MICAL3: variants seen among roughly 807,000 people sequenced by gnomAD.
The protein encoded by MICAL3 is microtubule associated monooxygenase, calponin and LIM domain containing 3.
In MICAL3, 62 loss-of-function variants were observed where a neutral mutation model predicts 207.4. The observed-to-expected ratio is 0.30, with a 90% CI of 0.24 to 0.37. The LOEUF is 0.37. Among genes scored for constraint, MICAL3 ranks in the 10% least tolerant of loss-of-function variants. The pLI is 1.00. For synonymous variants in MICAL3, 1,077 were observed against 1,069.3 expected, an observed-to-expected ratio of 1.01 and a Z score of -0.14; for missense variants, 2,368 against 2,635.6, an observed-to-expected ratio of 0.90 and a Z score of 2.22.
intron 1 of MICAL3, among the ~76,000 whole-genome samples, chr22:17,959,028 T>TTC (rs1934770984): frequency 7.1e-6 from 1 of 141,254 alleles, no homozygotes; most frequent in Non-Finnish European, 1.5e-5. Flanking sequence ...TTTTTTTTTT[T>TTC]TTTTTGAGAT....
At position 17,796,640 on chromosome 22, in the gene MICAL3, C is replaced by G. The variant is rs940348062; in HGVS notation, c.5651-5339G>C. On this transcript the variant is annotated intron_variant, in intron 29 of 31. Transcript: ENST00000441493. This position sits in a 1 kb window ranked among gnomAD's most constrained non-coding sequence, Gnocchi z 4.4. ...GCGTCTCAGGCAGCTCAAGGAAGAGCAGTCCCACAGACCCTGATCAGAATG... is the reference window on the plus strand; with the variant it reads ...GCGTCTCAGGCAGCTCAAGGAAGAGGAGTCCCACAGACCCTGATCAGAATG... Among the ~76,000 whole-genome samples, 1 of 152,216 alleles carries G rather than the reference C, an allele frequency of 6.6e-6. No homozygotes were observed. The highest frequency in any genetic ancestry group is 2.4e-5 in the African/African-American group (1 of 41,448).
chr22:18,015,351 G>T (rs1010148759), intron 1 of MICAL3, among the ~76,000 whole-genome samples: 2 of 151,408 alleles, frequency 1.3e-5, no homozygotes, highest in African/African-American at 4.9e-5. Flanking sequence ...TTTATTTGAG[G>T]GTGCTTTGTT....
chr22:17,838,542 C>CGA (rs1923648132), intron 20 of MICAL3, among the ~76,000 whole-genome samples: 1 of 152,178 alleles, frequency 6.6e-6, no homozygotes, highest in East Asian at 1.9e-4. Flanking sequence ...TCAAAACAAA[C>CGA]CTATGAAGTG....
In MICAL3 at chr22:17,790,544, C is replaced by T; in HGVS notation, c.*188G>A. 1.7e-6 allele frequency: 1 copy of T among 604,056 alleles called. No homozygotes were observed. Among genetic ancestry groups the T allele is most frequent in the Non-Finnish European group, 2.9e-6 (1 of 344,286 alleles). The allele number at this position is 604,056 out of a possible 1,614,324, so 37.4% of individuals were successfully genotyped here. A position where few individuals can be genotyped will look rare whatever the true frequency, so the allele number is the denominator to read the frequency against. ...CTCCTCCCAGGAGGTGGAGCCGTCT[C>T]AGATAACCACTGTCACCTGGGGCTC... On this transcript the variant is annotated 3_prime_UTR_variant, in exon 32 of 32. Transcript: ENST00000441493.
Position 17,900,287 on chromosome 22 carries a change from C to T in MICAL3, c.847+555G>A, listed in dbSNP as rs889758725. On this transcript the variant is annotated intron_variant, in intron 6 of 31. Transcript: ENST00000441493. The surrounding 1 kb of genome is among the most constrained non-coding windows in gnomAD (Gnocchi z 4.0). ...TTGGGAAGAACTAGTGGAGGCAGAA[C>T]GAATGCTTTACAACAAATAAACGAA... 3.9e-5 allele frequency among the ~76,000 whole-genome samples: 6 copies of T among 152,154 alleles called. No homozygotes were observed. Among genetic ancestry groups the T allele is most frequent in the African/African-American group, 7.2e-5 (3 of 41,426 alleles).
chr22:17,998,287 A>G (rs1160056278), intron 1 of MICAL3, among the ~76,000 whole-genome samples: 1 of 152,242 alleles, frequency 6.6e-6, no homozygotes, highest in African/African-American at 2.4e-5. Context: ...GGCGCGACAG[A>G]GCAAGAGACT....
At chr22:17,820,089 T>C (rs1160128157) in intron 25 of MICAL3, among the ~76,000 whole-genome samples, 1 of 149,192 alleles carries the variant, frequency 6.7e-6, no homozygotes, top group Admixed American at 6.7e-5. Context: ...GCCATGATCA[T>C]GCCACTGCAC....
chr22:17,951,396 G>C (rs1441704422), intron 1 of MICAL3, among the ~76,000 whole-genome samples: 1 of 151,936 alleles, frequency 6.6e-6, no homozygotes, highest in East Asian at 1.9e-4. Flanking sequence ...TTCAGCAATG[G>C]AAAGTACTTC....
intron 16 of MICAL3, among the ~76,000 whole-genome samples, chr22:17,878,455 C>T (rs941974809): frequency 2.7e-5 from 4 of 150,754 alleles, no homozygotes; most frequent in Non-Finnish European, 4.4e-5. Flanking sequence ...CACACATTGC[C>T]CGCTGCTAGC....
chr22:17,958,060 A>G (rs184032166), intron 1 of MICAL3, among the ~76,000 whole-genome samples: 5 of 152,360 alleles, frequency 3.3e-5, no homozygotes, highest in Admixed American at 1.3e-4. Flanking sequence ...ATGAGTTGGC[A>G]TAACACGATC....
chr22:17,931,126 C>A (rs1027098530), intron 1 of MICAL3, among the ~76,000 whole-genome samples: 4 of 152,124 alleles, frequency 2.6e-5, no homozygotes, highest in Non-Finnish European at 4.4e-5. Flanking sequence ...GACCCCCACA[C>A]CCCCTGGTCC....
At chr22:17,829,679 C>A (rs1406443076) in intron 21 of MICAL3, among the ~76,000 whole-genome samples, 1 of 152,242 alleles carries the variant, frequency 6.6e-6, no homozygotes, top group Admixed American at 6.5e-5. Context: ...ATCGACAGCA[C>A]AAGCCAGCAT....
intron 29 of MICAL3, among the ~76,000 whole-genome samples, chr22:17,794,548 C>T (rs429357): frequency 0.14 from 21,957 of 152,276 alleles, 1,838 homozygotes; most frequent in East Asian, 0.23. Context: ...AATGTACAAA[C>T]ACAGAGGTGA....
At chr22:17,975,642 A>T (rs1208496111) in intron 1 of MICAL3, among the ~76,000 whole-genome samples, 2 of 152,194 alleles carry the variant, frequency 1.3e-5, no homozygotes, top group Admixed American at 1.3e-4. Flanking sequence ...GGGATACAGA[A>T]CAAACCAGGT....
intron 29 of MICAL3, among the ~76,000 whole-genome samples, chr22:17,808,157 T>C (rs1601940785): frequency 6.6e-6 from 1 of 152,366 alleles, no homozygotes; most frequent in Non-Finnish European, 1.5e-5. Context: ...GCAGGTTCCC[T>C]GGATGGAATG....
At chr22:17,843,120 C>CAAAAAAAA (rs71966425) in intron 19 of MICAL3, among the ~76,000 whole-genome samples, 4 of 62,888 alleles carry the variant, frequency 6.4e-5, no homozygotes, top group East Asian at 5.0e-4. Flanking sequence ...GACTTCATCT[C>CAAAAAAAA]AAAAAAAAAA....
At chr22:17,930,207 C>T (rs761891409) in intron 1 of MICAL3, among the ~76,000 whole-genome samples, 12 of 152,162 alleles carry the variant, frequency 7.9e-5, no homozygotes, top group African/African-American at 1.4e-4. Flanking sequence ...AGACAATGCG[C>T]GTGGTGAACT....
chr22:17,861,268 G>A lies in MICAL3; in HGVS notation c.2605+3631C>T, dbSNP rs113440330. The A allele has an allele frequency of 6.0e-5, 59 of 985,426 alleles. No individual in the cohort carries two copies. In the South Asian group the frequency reaches 1.2e-3, roughly 20 times the overall value. 61.0% of individuals were successfully genotyped at this position (985,426 alleles called of 1,614,324 possible). A position where few individuals can be genotyped will look rare whatever the true frequency, so the allele number is the denominator to read the frequency against. On this transcript the variant is annotated intron_variant, in intron 19 of 31. Coordinates refer to ENST00000441493, the MANE Select transcript of MICAL3 (RefSeq NM_015241.3). ...TTTCCTAAAGGCCCATTCAGGATCCGAACTATGGAACCTCATGGTTATCGG... is the reference window on the plus strand; with the variant it reads ...TTTCCTAAAGGCCCATTCAGGATCCAAACTATGGAACCTCATGGTTATCGG...
At chr22:17,974,723 TAAAAAAAAAAAAA>T (rs5844339) in intron 1 of MICAL3, among the ~76,000 whole-genome samples, 3 of 106,130 alleles carry the variant, frequency 2.8e-5, no homozygotes, top group African/African-American at 1.0e-4. Flanking sequence ...GACTCCGTCT[TAAAAAAAAAAAAA>T]AAAAAAAAAA....
Sources: allele counts gnomAD v4.1 joint callset (sites outside exome capture counted in the v4.1 genomes callset), GRCh38; gene constraint gnomAD v4.1.1; non-coding constraint Gnocchi (gnomAD v3.1); transcripts MANE v1.5; gene names NCBI Gene and HGNC (gene_info 2026-07-23, HGNC 2026-07-21).